DOT1L: variants seen among roughly 807,000 people sequenced by gnomAD.
DOT1L encodes the protein histone-lysine N-methyltransferase, H3 lysine-79 specific.
A neutral mutation model predicts 153.3 loss-of-function variants in DOT1L; 33 were observed. The observed-to-expected ratio is 0.22, with a 90% confidence interval of 0.16 to 0.29. The LOEUF (loss-of-function observed/expected upper bound fraction) is 0.29, where lower values mean the gene tolerates loss of function less well. DOT1L is among the 10% of genes least tolerant of loss of function. The probability of loss-of-function intolerance (pLI) is 1.00; values close to 1 mark genes in which losing one functional copy is unlikely to be tolerated. For missense variants in DOT1L, 1,847 were observed against 2,119.9 expected (o/e 0.87, Z 2.53); for synonymous variants, 1,135 against 965.1 (o/e 1.18, Z -3.26).
rs1568320060 is a variant in DOT1L, at chr19:2,164,171, C to CCG, written c.-5_-4dup. 20 of 1,133,778 alleles carry CCG rather than the reference C, an allele frequency of 1.8e-5. No individual in the cohort carries two copies. In the South Asian group the frequency reaches 4.5e-4, roughly 25 times the overall value. 70.2% of individuals were successfully genotyped at this position (1,133,778 alleles called of 1,614,324 possible). On this transcript the variant is annotated 5_prime_UTR_variant, in exon 1 of 28. Coordinates refer to ENST00000398665, the MANE Select transcript of DOT1L (RefSeq NM_032482.3). Reference sequence around the variant, plus strand: ...CCGCCCGCCTAGCATGGTGCGGCGGCCGCGCGCGCGGACATGGGGGAGAAG... The same window carrying CCG: ...CCGCCCGCCTAGCATGGTGCGGCGGCCGCGCGCGCGCGGACATGGGGGAGAAG...
rs995162920 is a variant in DOT1L at position 2,231,421 on chromosome 19, T to C, written c.*1629T>C. On this transcript the variant is annotated 3_prime_UTR_variant, in exon 28 of 28. Transcript: ENST00000398665. ...ACGGAGGAAAGGCTTCTGTGGTTGC[T>C]AGGTGGGGGAGTCCTGTGTGGGAGG... 4 of 203,656 alleles carry C rather than the reference T, an allele frequency of 2.0e-5. No homozygotes were observed. Among genetic ancestry groups the C allele is most frequent in the African/African-American group, 9.2e-5 (4 of 43,562 alleles). The allele number at this position is 203,656 out of a possible 1,614,324, so 12.6% of individuals were successfully genotyped here.
In DOT1L at chr19:2,226,822, C is replaced by T. The variant is rs2024355708; in HGVS notation, c.4301C>T (p.Pro1434Leu). 1.9e-6 allele frequency: 3 copies of T among 1,579,970 alleles called. No homozygotes were observed. Among genetic ancestry groups the T allele is most frequent in the East Asian group, 2.3e-5 (1 of 43,338 alleles). Reference protein sequence around the residue: ...HNLFISAAAVPPGSLLSGPGL... With the variant: ...HNLFISAAAVLPGSLLSGPGL... Reference sequence around the variant, plus strand: ...CTCTTCATCTCTGCGGCGGCCGTGCCTCCCGGAAGCCTCCTCAGCGGCCCC... The same window carrying T: ...CTCTTCATCTCTGCGGCGGCCGTGCTTCCCGGAAGCCTCCTCAGCGGCCCC... The change falls in exon 27 of 28, where the codon CCT becomes CTT. Residue 1434 changes from proline (P) to leucine (L), a missense_variant. This residue lies in a region of DOT1L where 934 missense variants were observed against 825.3 expected (regional missense o/e 1.13). Transcript: ENST00000398665.
rs1313989168 is a variant in DOT1L, at chr19:2,230,724, G to A, written c.*932G>A. 1.3e-5 allele frequency: 5 copies of A among 397,682 alleles called. No homozygotes were observed. Among genetic ancestry groups the A allele is most frequent in the African/African-American group, 6.2e-5 (3 of 48,642 alleles). 24.6% of individuals were successfully genotyped at this position (397,682 alleles called of 1,614,324 possible). ...TTATTTTTAGATGGTATAATGCACA[G>A]TGAAGAGGAAAGAAAAGCGAGGGGA... is the stretch of plus-strand genomic sequence containing the variant. On this transcript the variant is annotated 3_prime_UTR_variant, in exon 28 of 28. Transcript: ENST00000398665.
In DOT1L at chr19:2,191,363, C is replaced by T. The variant is rs531217154; in HGVS notation, c.493+123C>T. ...GCGACGTTGGCGTGGACAGTGCTTC[C>T]TTCTCCCAGCGCCTCTGTCCCGCTG... On this transcript the variant is annotated intron_variant, in intron 5 of 27. Coordinates refer to ENST00000398665, the MANE Select transcript of DOT1L (RefSeq NM_032482.3). This position sits in a 1 kb window ranked among gnomAD's most constrained non-coding sequence, Gnocchi z 6.8. 1.8e-5 allele frequency: 18 copies of T among 987,788 alleles called. No individual in the cohort carries two copies. Among genetic ancestry groups the T allele is most frequent in the Non-Finnish European group, 2.3e-5 (15 of 652,830 alleles). 61.2% of individuals were successfully genotyped at this position (987,788 alleles called of 1,614,324 possible). A position where few individuals can be genotyped will look rare whatever the true frequency, so the allele number is the denominator to read the frequency against.
At chr19:2,215,118 A>G (rs2023849473) in intron 19 of DOT1L, among the ~76,000 whole-genome samples, 2 of 151,992 alleles carry the variant, frequency 1.3e-5, no homozygotes, top group Admixed American at 1.3e-4. Flanking sequence ...AGGGAGGCTG[A>G]GGCAGGAGTT....
At position 2,164,190 on chromosome 19, in the gene DOT1L, G is replaced by A. The variant is rs922351653; in HGVS notation, c.6G>A (p.Gly2=). 4 of 1,259,668 alleles carry A rather than the reference G, an allele frequency of 3.2e-6. No homozygotes were observed. Among genetic ancestry groups the A allele is most frequent in the African/African-American group, 3.1e-5 (2 of 64,150 alleles). 78.0% of individuals were successfully genotyped at this position (1,259,668 alleles called of 1,614,324 possible). The part of the protein sequence containing the change: M[G]EKLELRLKSP... ...CGGCGGCCGCGCGCGCGGACATGGG[G>A]GAGAAGCTGGAGCTGAGACTGAAGT... Residue 2 remains glycine, a synonymous_variant, in exon 1 of 28, where the codon GGG becomes GGA. Coordinates refer to ENST00000398665, the MANE Select transcript of DOT1L (RefSeq NM_032482.3).
intron 8 of DOT1L, 123 bp from the exon 9 acceptor site, chr19:2,202,577 C>T: frequency 1.1e-6 from 1 of 944,914 alleles, no homozygotes; most frequent in Non-Finnish European, 1.7e-6. Flanking sequence ...TGGGCTTGGC[C>T]CTGGAGGTGG....
chr19:2,191,326 T>C lies in DOT1L; in HGVS notation c.493+86T>C. ...CCCCATGCCTGCTTGGAGAAGAGTT[T>C]ATCAGGGACTTGCGACGTTGGCGTG... is the stretch of plus-strand genomic sequence containing the variant. On this transcript the variant is annotated intron_variant, in intron 5 of 27. Coordinates refer to ENST00000398665, the MANE Select transcript of DOT1L (RefSeq NM_032482.3). The surrounding 1 kb of genome is among the most constrained non-coding windows in gnomAD (Gnocchi z 6.8). 2.2e-6 allele frequency: 3 copies of C among 1,386,916 alleles called. No individual in the cohort carries two copies. Among genetic ancestry groups the C allele is most frequent in the South Asian group, 1.2e-5 (1 of 84,730 alleles). The allele number at this position is 1,386,916 out of a possible 1,614,324, so 85.9% of individuals were successfully genotyped here.
intron 1 of DOT1L, among the ~76,000 whole-genome samples, chr19:2,165,840 C>A (rs990656733): frequency 9.9e-5 from 15 of 151,484 alleles, no homozygotes; most frequent in African/African-American, 3.4e-4. Flanking sequence ...GCGATCTCGG[C>A]TCGCTGCAAG....
At chr19:2,185,769 A>G in intron 2 of DOT1L, 86 bp from the exon 3 acceptor site, 1 of 1,409,864 alleles carries the variant, frequency 7.1e-7, no homozygotes, top group Non-Finnish European at 1.0e-6. Flanking sequence ...ACTCCGTCTC[A>G]AAACAAAAAC....
At chr19:2,221,921 G>A in intron 23 of DOT1L, 55 bp from the exon 24 acceptor site, 1 of 1,507,196 alleles carries the variant, frequency 6.6e-7, no homozygotes. Flanking sequence ...CCCACAGCAA[G>A]GCTTTCTCTT....
At position 2,225,111 on chromosome 19, in the gene DOT1L, C is replaced by T. The variant is rs117554820; in HGVS notation, c.3597-277C>T. Among the ~76,000 whole-genome samples, 1,259 of 152,306 alleles carry T rather than the reference C, an allele frequency of 8.3e-3. 8 individuals are homozygous for T. The highest frequency in any genetic ancestry group is 0.013 in the Non-Finnish European group (894 of 68,028). On this transcript the variant is annotated intron_variant, in intron 25 of 27. Transcript: ENST00000398665. ...TCTGTGTGCTGGGAAATTGCTTCTC[C>T]CATTCAGCTGCTGTGCCTGATCTCT...
intron 1 of DOT1L, among the ~76,000 whole-genome samples, chr19:2,178,775 C>T (rs561234532): frequency 6.6e-6 from 1 of 152,100 alleles, no homozygotes; most frequent in Non-Finnish European, 1.5e-5. Context: ...CCTTGTTAGC[C>T]AGGATGGTCT....
chr19:2,227,333 T>C (rs1328748147), intron 27 of DOT1L: 3 of 759,098 alleles, frequency 4.0e-6, no homozygotes, highest in East Asian at 5.3e-5. Context: ...TTGGGTTCTC[T>C]GGTTGTAACC....
In DOT1L at chr19:2,204,372, G is replaced by A. The variant is rs55990893; in HGVS notation, c.787+1593G>A. Among the ~76,000 whole-genome samples the A allele has an allele frequency of 2.9e-3, 443 of 152,246 alleles. 1 individual carries two copies. Among genetic ancestry groups the A allele is most frequent in the Admixed American group, 6.7e-3 (103 of 15,302 alleles). ...TTTGCATATCTGTGTGTGTGTGTGC[G>A]TGTGGCAGTGGTGTTTCTGACTTAT... is the stretch of plus-strand genomic sequence containing the variant. On this transcript the variant is annotated intron_variant, in intron 9 of 27. Transcript: ENST00000398665. This position sits in a 1 kb window ranked among gnomAD's most constrained non-coding sequence, Gnocchi z 5.7.
rs959872488 is a variant in DOT1L at position 2,204,534 on chromosome 19, A to G, written c.787+1755A>G. Among the ~76,000 whole-genome samples, 15 of 152,090 alleles carry G rather than the reference A, an allele frequency of 9.9e-5. No homozygotes were observed. Among genetic ancestry groups the G allele is most frequent in the African/African-American group, 2.7e-4 (11 of 41,508 alleles). On this transcript the variant is annotated intron_variant, in intron 9 of 27. Transcript: ENST00000398665. The surrounding 1 kb of genome is among the most constrained non-coding windows in gnomAD (Gnocchi z 5.7). The stretch of plus-strand genomic sequence containing the variant: ...TCAGGCAGCTCCTGTCACCCCCTCC[A>G]TGGTCCTCGTACCCGCTGCCCTAGA...
chr19:2,175,658 A>G (rs1230715499), intron 1 of DOT1L, among the ~76,000 whole-genome samples: 1 of 152,072 alleles, frequency 6.6e-6, no homozygotes, highest in Non-Finnish European at 1.5e-5. Context: ...ATGAAACCCC[A>G]TCTCTACTAA....
At chr19:2,166,699 C>T (rs2019936646) in intron 1 of DOT1L, among the ~76,000 whole-genome samples, 1 of 152,254 alleles carries the variant, frequency 6.6e-6, no homozygotes, top group African/African-American at 2.4e-5. Context: ...GGGTGAGCCA[C>T]CGCACCTGGC....
chr19:2,232,241 C>T lies in DOT1L; in HGVS notation c.*2449C>T, dbSNP rs1001607280. 6.8e-5 allele frequency: 15 copies of T among 219,280 alleles called. No individual in the cohort carries two copies. Among genetic ancestry groups the T allele is most frequent in the East Asian group, 2.0e-4 (3 of 15,056 alleles). 13.6% of individuals were successfully genotyped at this position (219,280 alleles called of 1,614,324 possible). ...CCTAAAAACTAGGATACCCCCTCCT[C>T]GGCCCATGAGGCACGCACAGTGACT... is the stretch of plus-strand genomic sequence containing the variant. On this transcript the variant is annotated 3_prime_UTR_variant, in exon 28 of 28. Coordinates refer to ENST00000398665, the MANE Select transcript of DOT1L (RefSeq NM_032482.3).
Sources: gnomAD v4.1 joint callset for allele counts (sites outside exome capture counted in the v4.1 genomes callset) on GRCh38, gnomAD v4.1.1 for gene constraint, gnomAD v4.1.1 regional missense constraint, Gnocchi (gnomAD v3.1) non-coding constraint, MANE v1.5 for transcripts, NCBI Gene and HGNC (gene_info 2026-07-23, HGNC 2026-07-21) for gene names.